The following CDIN1 variants were observed in gnomAD, a reference collection of about 807,000 sequenced individuals.
The protein encoded by CDIN1 is CDAN1-interacting nuclease 1.
Under a neutral mutation model 45.3 loss-of-function variants are expected in CDIN1, and 33 were observed. The ratio of observed to expected loss-of-function variants is 0.73; its 90% CI spans 0.55 to 0.97. The LOEUF (loss-of-function observed/expected upper bound fraction) is 0.97, where lower values mean the gene tolerates loss of function less well. Among genes scored for constraint, CDIN1 ranks in the 50% least tolerant of loss-of-function variants. The pLI is 0.00. For missense variants in CDIN1, 303 were observed against 339.4 expected, an observed-to-expected ratio of 0.89 and a Z score of 0.84; for synonymous variants, 118 against 124.4, an observed-to-expected ratio of 0.95 and a Z score of 0.34.
chr15:36,759,743 G>A (rs1322242338), intron 10 of CDIN1, among the ~76,000 whole-genome samples: 2 of 152,152 alleles, frequency 1.3e-5, no homozygotes, highest in Admixed American at 6.6e-5. Flanking sequence ...GACTGGGGAG[G>A]CTTCCAGAAA....
chr15:36,719,461 G>A (rs1458265264), intron 10 of CDIN1, among the ~76,000 whole-genome samples: 3 of 152,214 alleles, frequency 2.0e-5, no homozygotes, highest in African/African-American at 4.8e-5. Context: ...TTGCTTTCCT[G>A]AGATAAACTG....
At chr15:36,712,788 T>C (rs779541697) in intron 10 of CDIN1, among the ~76,000 whole-genome samples, 9 of 152,066 alleles carry the variant, frequency 5.9e-5, no homozygotes, top group Non-Finnish European at 1.3e-4. Flanking sequence ...CACATCTCCA[T>C]CCCAAGACCC....
intron 10 of CDIN1, among the ~76,000 whole-genome samples, chr15:36,745,989 G>T (rs1373096620): frequency 6.6e-6 from 1 of 152,022 alleles, no homozygotes; most frequent in Non-Finnish European, 1.5e-5. Flanking sequence ...TACTACTTAT[G>T]AAAAATTGTT....
At chr15:36,610,307 C>T (rs952907570) in intron 1 of CDIN1, among the ~76,000 whole-genome samples, 1 of 152,186 alleles carries the variant, frequency 6.6e-6, no homozygotes, top group Non-Finnish European at 1.5e-5. Flanking sequence ...TTGCTTGTTC[C>T]TCTTGTCACT....
intron 1 of CDIN1, chr15:36,613,779 A>G (rs2038760385): frequency 6.2e-7 from 1 of 1,602,134 alleles, no homozygotes; most frequent in Non-Finnish European, 8.5e-7. Context: ...AAAGATGAAG[A>G]AAAGATAGAA....
chr15:36,800,901 G>GTATA (rs1566984259), intron 10 of CDIN1, among the ~76,000 whole-genome samples: 14 of 22,362 alleles, frequency 6.3e-4, no homozygotes, highest in East Asian at 5.7e-3. Flanking sequence ...GTGTGTGTGT[G>GTATA]TGTGTGTGTA....
chr15:36,727,574 C>T (rs144221616), intron 10 of CDIN1, among the ~76,000 whole-genome samples: 15 of 152,250 alleles, frequency 9.9e-5, no homozygotes, highest in Admixed American at 6.5e-4. Context: ...GCCTCTTATA[C>T]ATCTGAATAT....
intron 10 of CDIN1, among the ~76,000 whole-genome samples, chr15:36,784,306 G>A (rs1333912632): frequency 6.6e-6 from 1 of 152,148 alleles, no homozygotes; most frequent in Non-Finnish European, 1.5e-5. Flanking sequence ...AGTGGAGGAG[G>A]ATCACTGGTA....
At chr15:36,782,235 A>G (rs567973032) in intron 10 of CDIN1, among the ~76,000 whole-genome samples, 43 of 152,338 alleles carry the variant, frequency 2.8e-4, no homozygotes, top group African/African-American at 1.0e-3. Flanking sequence ...GGTAAACACA[A>G]CTATAACAAA....
intron 10 of CDIN1, among the ~76,000 whole-genome samples, chr15:36,760,834 C>T (rs974052911): frequency 1.3e-5 from 2 of 152,136 alleles, no homozygotes; most frequent in African/African-American, 4.8e-5. Flanking sequence ...AAAGGGATCA[C>T]AGAGTTTTAA....
rs561691960 is a variant in CDIN1 at position 36,750,907 on chromosome 15, A to T, written c.716+40946A>T. ...AGGTGTGGGGCTAGTTGGGTGGACA[A>T]CTCAGAGGTAAAAAAGCAAACAAAC... On this transcript the variant is annotated intron_variant, in intron 10 of 10. Coordinates refer to ENST00000566621, the MANE Select transcript of CDIN1 (RefSeq NM_001321759.2). Among the ~76,000 whole-genome samples the T allele has an allele frequency of 5.3e-5, 8 of 152,206 alleles. No homozygotes were observed. The East Asian group carries it at 1.4e-3, about 26-fold the overall frequency.
chr15:36,606,680 G>C (rs956148334), intron 1 of CDIN1, among the ~76,000 whole-genome samples: 2 of 152,114 alleles, frequency 1.3e-5, no homozygotes, highest in African/African-American at 4.8e-5. Flanking sequence ...TATGATGTCT[G>C]TTTCAATTCC....
rs542786973 is a variant in CDIN1 at position 36,738,294 on chromosome 15, G to A, written c.716+28333G>A. Among the ~76,000 whole-genome samples the A allele has an allele frequency of 5.4e-4, 82 of 152,188 alleles. 2 individuals are homozygous for A. The highest frequency in any genetic ancestry group is 3.4e-3 in the Middle Eastern group (1 of 294). On this transcript the variant is annotated intron_variant, in intron 10 of 10. Coordinates refer to ENST00000566621, the MANE Select transcript of CDIN1 (RefSeq NM_001321759.2). ...ATATGGCAGATATCTCAAATTCAGC[G>A]TAGCCATATCTGAATTCCAGATGTC...
chr15:36,694,420 C>T (rs1286749240), intron 7 of CDIN1, among the ~76,000 whole-genome samples: 1 of 152,160 alleles, frequency 6.6e-6, no homozygotes, highest in African/African-American at 2.4e-5. Context: ...AAAGAAAGCA[C>T]ACATTCAGTA....
At chr15:36,678,606 A>G (rs2041736205) in intron 5 of CDIN1, among the ~76,000 whole-genome samples, 2 of 152,090 alleles carry the variant, frequency 1.3e-5, no homozygotes, top group Non-Finnish European at 2.9e-5. Context: ...TTTCCTTCTC[A>G]TCTTTATCCC....
At chr15:36,619,904 CTT>C (rs1291513040) in intron 1 of CDIN1, among the ~76,000 whole-genome samples, 1 of 151,808 alleles carries the variant, frequency 6.6e-6, no homozygotes, top group Non-Finnish European at 1.5e-5. Context: ...GAATGTAAAA[CTT>C]GAGTAGATTT....
intron 10 of CDIN1, among the ~76,000 whole-genome samples, chr15:36,722,976 TG>T (rs2043484108): frequency 5.2e-5 from 7 of 133,438 alleles, no homozygotes; most frequent in African/African-American, 9.0e-5. Flanking sequence ...TGTGTGTGTG[TG>T]TGTGTGTGTT....
chr15:36,699,005 A>G (rs2042536993), intron 8 of CDIN1, among the ~76,000 whole-genome samples: 1 of 152,228 alleles, frequency 6.6e-6, no homozygotes, highest in Admixed American at 6.5e-5. Flanking sequence ...AAACAAGTAC[A>G]GAAAGGGAAC....
chr15:36,799,280 T>G (rs989195994), intron 10 of CDIN1: 7 of 152,236 alleles, frequency 4.6e-5, no homozygotes, highest in African/African-American at 1.7e-4. Context: ...GGTACTTTGT[T>G]ACTTTTAGGG....
Sources: gnomAD v4.1 joint callset for allele counts (sites outside exome capture counted in the v4.1 genomes callset) on GRCh38, gnomAD v4.1.1 for gene constraint, MANE v1.5 for transcripts, NCBI Gene and HGNC (gene_info 2026-07-23, HGNC 2026-07-21) for gene names.